AK5: variants seen among roughly 807,000 people sequenced by gnomAD.
AK5 encodes adenylate kinase isoenzyme 5.
A neutral mutation model predicts 69.5 loss-of-function variants in AK5; 27 were observed. The ratio of observed to expected loss-of-function variants is 0.39; its 90% CI spans 0.29 to 0.54. The LOEUF (loss-of-function observed/expected upper bound fraction) is 0.54. Among genes scored for constraint, AK5 ranks in the 20% least tolerant of loss-of-function variants. The pLI, the probability that AK5 is intolerant of heterozygous loss-of-function variation, is 0.71. For missense variants in AK5, 531 were observed against 700.4 expected, an observed-to-expected ratio of 0.76 and a Z score of 2.73; for synonymous variants, 260 against 244.4, an observed-to-expected ratio of 1.06 and a Z score of -0.60.
At chr1:77,390,717 A>G (rs1206215917) in intron 6 of AK5, among the ~76,000 whole-genome samples, 2 of 152,230 alleles carry the variant, frequency 1.3e-5, no homozygotes, top group African/African-American at 4.8e-5. Context: ...AAGTTCTTAA[A>G]TAATATTTTT....
chr1:77,432,439 G>A (rs943172986), intron 8 of AK5, among the ~76,000 whole-genome samples: 50 of 152,164 alleles, frequency 3.3e-4, no homozygotes, highest in African/African-American at 1.2e-3. Context: ...CAATCTCAAA[G>A]CACTGGGCCA....
chr1:77,308,122 C>T (rs1237242200), intron 5 of AK5, among the ~76,000 whole-genome samples: 1 of 152,090 alleles, frequency 6.6e-6, no homozygotes, highest in African/African-American at 2.4e-5. Context: ...AGTGGTCAGT[C>T]ATGGGTCTCT....
intron 1 of AK5, among the ~76,000 whole-genome samples, chr1:77,285,170 T>G (rs1356025389): frequency 6.6e-6 from 1 of 152,180 alleles, no homozygotes; most frequent in African/African-American, 2.4e-5. Flanking sequence ...GATAATAAAG[T>G]CACACAGGGC....
chr1:77,526,208 TG>T (rs1425380798), intron 12 of AK5, among the ~76,000 whole-genome samples: 1 of 152,070 alleles, frequency 6.6e-6, no homozygotes, highest in Non-Finnish European at 1.5e-5. Flanking sequence ...TGTGCAGGGC[TG>T]GGGGGTTGGA....
In AK5 at chr1:77,501,475, C is replaced by T. The variant is rs560038783; in HGVS notation, c.1147+15123C>T. On this transcript the variant is annotated intron_variant, in intron 10 of 13. Transcript: ENST00000354567. Reference sequence around the variant, plus strand: ...TGTAGCCTACTATGCGCCTAGGCTACATGGTATAGCCTATTGCTCCCAGGC... The same window carrying T: ...TGTAGCCTACTATGCGCCTAGGCTATATGGTATAGCCTATTGCTCCCAGGC... Among the ~76,000 whole-genome samples the T allele has an allele frequency of 7.9e-5, 12 of 152,322 alleles. No homozygotes were observed. In the South Asian group the frequency reaches 2.1e-3, roughly 26 times the overall value.
At chr1:77,298,693 G>A (rs868802680) in intron 5 of AK5, among the ~76,000 whole-genome samples, 4 of 150,892 alleles carry the variant, frequency 2.7e-5, no homozygotes, top group African/African-American at 4.9e-5. Flanking sequence ...GTATAGTGGC[G>A]CACACCTATA....
intron 10 of AK5, among the ~76,000 whole-genome samples, chr1:77,518,290 G>T (rs929264489): frequency 6.6e-6 from 1 of 152,112 alleles, no homozygotes; most frequent in Non-Finnish European, 1.5e-5. Flanking sequence ...TGTGACCATG[G>T]GTTACAAGTG....
intron 6 of AK5, among the ~76,000 whole-genome samples, chr1:77,372,974 G>T (rs1647149188): frequency 6.6e-6 from 1 of 152,000 alleles, no homozygotes; most frequent in African/African-American, 2.4e-5. Flanking sequence ...TGATGTTTAG[G>T]TTTCCAAGTT....
chr1:77,547,820 C>T (rs1431693721), intron 13 of AK5, among the ~76,000 whole-genome samples: 2 of 152,080 alleles, frequency 1.3e-5, no homozygotes, highest in Admixed American at 1.3e-4. Flanking sequence ...TTTAATTAAA[C>T]AGTATTAAAA....
chr1:77,501,338 C>T (rs1026440051), intron 10 of AK5, among the ~76,000 whole-genome samples: 1 of 152,190 alleles, frequency 6.6e-6, no homozygotes, highest in Non-Finnish European at 1.5e-5. Context: ...CGAATTCTCC[C>T]ATATACAGTC....
At chr1:77,482,695 C>T (rs972337656) in intron 8 of AK5, among the ~76,000 whole-genome samples, 12 of 150,974 alleles carry the variant, frequency 7.9e-5, no homozygotes, top group African/African-American at 2.7e-4. Flanking sequence ...TGTTTGAACC[C>T]GGGAGGTGGA....
At chr1:77,293,179 C>A (rs1376531850) in intron 2 of AK5, among the ~76,000 whole-genome samples, 19 of 152,130 alleles carry the variant, frequency 1.2e-4, no homozygotes. Flanking sequence ...CTCCTACTGA[C>A]CGTGACAGTA....
chr1:77,350,187 G>T (rs1469579336), intron 6 of AK5, among the ~76,000 whole-genome samples: 4 of 152,198 alleles, frequency 2.6e-5, no homozygotes, highest in African/African-American at 9.7e-5. Flanking sequence ...TGGAGAAGTG[G>T]TATGAGCCAC....
chr1:77,519,840 A>G (rs941637974), intron 11 of AK5, among the ~76,000 whole-genome samples: 16 of 152,144 alleles, frequency 1.1e-4, no homozygotes, highest in African/African-American at 3.9e-4. Flanking sequence ...CTCTACTGCA[A>G]CCTGCTTTAT....
intron 8 of AK5, among the ~76,000 whole-genome samples, chr1:77,471,225 A>G (rs1291407106): frequency 6.6e-6 from 1 of 151,956 alleles, no homozygotes; most frequent in African/African-American, 2.4e-5. Flanking sequence ...TTTTGGAATC[A>G]AGCAGACCTG....
intron 8 of AK5, among the ~76,000 whole-genome samples, chr1:77,477,703 A>G (rs967324329): frequency 6.6e-6 from 1 of 152,036 alleles, no homozygotes; most frequent in African/African-American, 2.4e-5. Context: ...TGTCAGAAAA[A>G]CAAAGTCTCC....
intron 5 of AK5, among the ~76,000 whole-genome samples, chr1:77,299,842 AT>A (rs34221500): frequency 2.8e-4 from 42 of 151,344 alleles, no homozygotes; most frequent in South Asian, 6.3e-4. Flanking sequence ...AAGCTACTTG[AT>A]TTTTTTTTAA....
In AK5 at chr1:77,558,704, G is replaced by C; in HGVS notation, c.*34G>C. 1 of 1,415,934 alleles carries C rather than the reference G, an allele frequency of 7.1e-7. No individual in the cohort carries two copies. Among genetic ancestry groups the C allele is most frequent in the Non-Finnish European group, 1.0e-6 (1 of 1,004,380 alleles). 87.7% of individuals were successfully genotyped at this position (1,415,934 alleles called of 1,614,324 possible). A position where few individuals can be genotyped will look rare whatever the true frequency, so the allele number is the denominator to read the frequency against. On this transcript the variant is annotated 3_prime_UTR_variant, in exon 14 of 14. Coordinates refer to ENST00000354567, the MANE Select transcript of AK5 (RefSeq NM_174858.3). ...ATGCATGTTTGTTAGAATGGAAACAGAAAAACATTAAAAAGTTCATTCCTT... is the reference window on the plus strand; with the variant it reads ...ATGCATGTTTGTTAGAATGGAAACACAAAAACATTAAAAAGTTCATTCCTT...
chr1:77,433,215 A>C (rs1389570390), intron 8 of AK5, among the ~76,000 whole-genome samples: 1 of 152,198 alleles, frequency 6.6e-6, no homozygotes, highest in African/African-American at 2.4e-5. Context: ...GAACTTGAAA[A>C]CAATGCACAG....
Sources: allele counts gnomAD v4.1 joint callset (sites outside exome capture counted in the v4.1 genomes callset), GRCh38; gene constraint gnomAD v4.1.1; transcripts MANE v1.5; gene names NCBI Gene and HGNC (gene_info 2026-07-23, HGNC 2026-07-21).